The following COL19A1 variants were observed in gnomAD, a reference collection of about 807,000 sequenced individuals.
The protein encoded by COL19A1 is collagen type XIX alpha 1 chain.
In COL19A1, 159 loss-of-function variants were observed where a neutral mutation model predicts 190.2. The ratio of observed to expected loss-of-function variants is 0.84; its 90% confidence interval spans 0.73 to 0.95. The LOEUF (loss-of-function observed/expected upper bound fraction) is 0.95, where lower values mean the gene tolerates loss of function less well. Ranked by LOEUF, COL19A1 falls within the 40% of genes least tolerant of loss-of-function variation. The pLI is 0.00. For missense variants in COL19A1, 1,418 were observed against 1,431.9 expected (o/e 0.99, Z 0.16); for synonymous variants, 509 against 458.9 (o/e 1.11, Z -1.39).
intron 16 of COL19A1, among the ~76,000 whole-genome samples, chr6:70,114,145 C>T (rs1390425495): frequency 1.3e-5 from 2 of 152,056 alleles, no homozygotes; most frequent in South Asian, 4.2e-4. Context: ...GCCACTGTGC[C>T]CAGCCCTTTC....
Position 69,908,822 on chromosome 6 carries a change from T to A in COL19A1, c.266+8484T>A, listed in dbSNP as rs144586588. On this transcript the variant is annotated intron_variant, in intron 4 of 50. Transcript: ENST00000620364. ...ATGTGTATAAATTCTACAACATTCATATGACTTAAAGTTTTTTCTTGGACT... is the reference window on the plus strand; with the variant it reads ...ATGTGTATAAATTCTACAACATTCAAATGACTTAAAGTTTTTTCTTGGACT... 2.4e-3 allele frequency among the ~76,000 whole-genome samples: 367 copies of A among 152,278 alleles called. 3 individuals carry two copies. Among genetic ancestry groups the A allele is most frequent in the African/African-American group, 8.5e-3 (352 of 41,576 alleles).
intron 19 of COL19A1, among the ~76,000 whole-genome samples, chr6:70,139,924 C>CTTTTTTTTTTTTTTTTTTT (rs56675325): frequency 7.0e-6 from 1 of 143,872 alleles, no homozygotes. Context: ...GGGTTTTTCT[C>CTTTTTTTTTTTTTTTTTTT]TTTTTTTTTT....
intron 11 of COL19A1, among the ~76,000 whole-genome samples, chr6:69,969,046 A>G (rs142071233): frequency 7.9e-5 from 12 of 152,316 alleles, no homozygotes; most frequent in African/African-American, 2.9e-4. Context: ...TTTCTTTATC[A>G]TAGTTTCCTC....
In COL19A1 at chr6:70,073,544, G is replaced by T. The variant is rs368596725; in HGVS notation, c.1224+5068G>T. Among the ~76,000 whole-genome samples the T allele has an allele frequency of 2.6e-5, 4 of 152,178 alleles. No homozygotes were observed. The East Asian group carries it at 5.8e-4, about 22-fold the overall frequency. On this transcript the variant is annotated intron_variant, in intron 15 of 50. Coordinates refer to ENST00000620364, the MANE Select transcript of COL19A1 (RefSeq NM_001858.6). ...TTAAGGAGAATGTCTAATTGATCAA[G>T]AAAAAATATTTAAGATAAAATGACT...
intron 16 of COL19A1, among the ~76,000 whole-genome samples, chr6:70,114,042 A>G (rs533724923): frequency 5.5e-4 from 84 of 151,594 alleles, no homozygotes; most frequent in African/African-American, 2.0e-3. Context: ...GTAGAGACAG[A>G]GTTTCACCAT....
intron 15 of COL19A1, among the ~76,000 whole-genome samples, chr6:70,072,973 T>TTA (rs1449758036): frequency 6.7e-6 from 1 of 150,302 alleles, no homozygotes; most frequent in East Asian, 1.9e-4. Context: ...ATTTATTTAT[T>TTA]TATTTATTTA....
chr6:69,921,482 A>ATATATTCATATG, intron 4 of COL19A1, among the ~76,000 whole-genome samples: 2 of 4,492 alleles, frequency 4.5e-4, no homozygotes, highest in African/African-American at 4.1e-3. Context: ...ATATATTCAT[A>ATATATTCATATG]TATATTCATA....
At chr6:69,922,728 G>T (rs1325653007) in intron 4 of COL19A1, among the ~76,000 whole-genome samples, 1 of 152,004 alleles carries the variant, frequency 6.6e-6, no homozygotes, top group Admixed American at 6.6e-5. Context: ...TGATCTGCCC[G>T]CCTCGGCCTC....
chr6:70,175,626 T>A (rs1018550002), intron 41 of COL19A1, among the ~76,000 whole-genome samples: 1 of 152,142 alleles, frequency 6.6e-6, no homozygotes, highest in African/African-American at 2.4e-5. Flanking sequence ...TATTCCATTA[T>A]AGCTTTATTT....
rs752814896 is a variant in COL19A1 at position 69,960,039 on chromosome 6, A to C, written c.980A>C (p.Lys327Thr). 2.5e-6 allele frequency: 4 copies of C among 1,612,590 alleles called. No individual in the cohort carries two copies. Among genetic ancestry groups the C allele is most frequent in the Non-Finnish European group, 3.4e-6 (4 of 1,179,354 alleles). The change falls in exon 10 of 51, where the codon AAG (lysine) becomes ACG (threonine). Residue 327 changes from lysine (K) to threonine (T), a missense_variant and splice_region_variant. Lys to Thr is a moderately conservative substitution (Grantham distance 78). Coordinates refer to ENST00000620364, the MANE Select transcript of COL19A1 (RefSeq NM_001858.6). The stretch of plus-strand genomic sequence containing the variant: ...GGTGCTCCAGGATTCCCTGGTCAAA[A>C]GGTAAAGAGTTCTTGAATGTTTCAT... ...LHGAPGFPGQ[K>T]GEQGFEGSKG...
intron 1 of COL19A1, among the ~76,000 whole-genome samples, chr6:69,875,824 T>C: frequency 6.6e-6 from 1 of 152,156 alleles, no homozygotes; most frequent in East Asian, 1.9e-4. Flanking sequence ...CAGTCTAAAG[T>C]TCAGTCAAGA....
At chr6:70,035,832 CA>C in intron 13 of COL19A1, 71 bp from the exon 14 acceptor site, 1 of 1,245,684 alleles carries the variant, frequency 8.0e-7, no homozygotes, top group Middle Eastern at 1.9e-4. Context: ...TGCTTCTATC[CA>C]CCTAGAAATT....
chr6:70,035,261 G>A (rs1779290105), intron 13 of COL19A1, among the ~76,000 whole-genome samples: 1 of 152,170 alleles, frequency 6.6e-6, no homozygotes, highest in African/African-American at 2.4e-5. Flanking sequence ...AGGTGACATA[G>A]AAATTGGAAA....
intron 27 of COL19A1, 83 bp downstream of exon 27, chr6:70,146,972 A>G: frequency 8.1e-7 from 1 of 1,238,682 alleles, no homozygotes; most frequent in Non-Finnish European, 1.1e-6. Flanking sequence ...GGAGAAAAGA[A>G]TAGAAAGGTC....
intron 4 of COL19A1, among the ~76,000 whole-genome samples, chr6:69,902,509 T>C (rs1352401833): frequency 6.6e-6 from 1 of 152,152 alleles, no homozygotes; most frequent in East Asian, 1.9e-4. Context: ...ATCTGTCAGG[T>C]CCACAACCCA....
Position 69,920,742 on chromosome 6 carries a change from A to G in COL19A1, c.267-7167A>G, listed in dbSNP as rs1771646370. On this transcript the variant is annotated intron_variant, in intron 4 of 50. Coordinates refer to ENST00000620364, the MANE Select transcript of COL19A1 (RefSeq NM_001858.6). ...GAAAAGTAGACAATTTAAAAAAAGGATAAATTACACTTAAATTTCACTGAG... is the reference window on the plus strand; with the variant it reads ...GAAAAGTAGACAATTTAAAAAAAGGGTAAATTACACTTAAATTTCACTGAG... 2.0e-5 allele frequency among the ~76,000 whole-genome samples: 3 copies of G among 151,726 alleles called. No individual in the cohort carries two copies. In the Admixed American group the frequency reaches 2.0e-4, roughly 10 times the overall value.
intron 14 of COL19A1, among the ~76,000 whole-genome samples, chr6:70,055,781 TAAAA>T (rs55871207): frequency 1.4e-4 from 17 of 117,442 alleles, no homozygotes; most frequent in Middle Eastern, 4.7e-3. Context: ...AACTCTGTAT[TAAAA>T]AAAAAAAAAA....
chr6:69,887,014 TA>T (rs1264513695), intron 2 of COL19A1, among the ~76,000 whole-genome samples: 3 of 152,244 alleles, frequency 2.0e-5, no homozygotes, highest in African/African-American at 7.2e-5. Flanking sequence ...ATTTGATTTT[TA>T]TAAAGGCTTT....
At chr6:69,932,414 T>A (rs1275441077) in intron 6 of COL19A1, among the ~76,000 whole-genome samples, 3 of 144,992 alleles carry the variant, frequency 2.1e-5, no homozygotes, top group Admixed American at 6.8e-5. Context: ...TGATTTTACC[T>A]TTTCTCCAAT....
Sources: gnomAD v4.1 joint callset for allele counts (sites outside exome capture counted in the v4.1 genomes callset) on GRCh38, gnomAD v4.1.1 for gene constraint, MANE v1.5 for transcripts, NCBI Gene and HGNC (gene_info 2026-07-23, HGNC 2026-07-21) for gene names.